The following MAF variants were observed in gnomAD, a reference collection of about 807,000 sequenced individuals.
MAF encodes MAF bZIP transcription factor, also known as transcription factor Maf.
A neutral mutation model predicts 22.0 loss-of-function variants in MAF; 10 were observed. The ratio of observed to expected loss-of-function variants is 0.45; its 90% confidence interval spans 0.28 to 0.77. MAF has a LOEUF of 0.77. Among genes scored for constraint, MAF ranks in the 30% least tolerant of loss-of-function variants. MAF has a pLI of 0.12. For synonymous variants in MAF, 337 were observed against 255.8 expected (o/e 1.32, Z -3.03); for missense variants, 544 against 548.4 (o/e 0.99, Z 0.08).
the MAF span, among the ~76,000 whole-genome samples, chr16:79,431,354 GACCATACACTAACCAA>G: frequency 6.6e-6 from 1 of 152,144 alleles, no homozygotes; most frequent in African/African-American, 2.4e-5. Context: ...ATTCCACTTA[GACCATACACTAACCAA>G]ATAACATTAA....
the MAF span, among the ~76,000 whole-genome samples, chr16:79,545,450 A>C: frequency 6.6e-6 from 1 of 152,138 alleles, no homozygotes; most frequent in East Asian, 1.9e-4. Flanking sequence ...CCATTTGAGC[A>C]TGAGTACAAC....
At chr16:79,211,145 C>G in the MAF span, among the ~76,000 whole-genome samples, 1 of 152,038 alleles carries the variant, frequency 6.6e-6, no homozygotes, top group Non-Finnish European at 1.5e-5. Flanking sequence ...AGCAGCCCCA[C>G]TTGGGTTTTC....
chr16:79,350,243 C>T, the MAF span, among the ~76,000 whole-genome samples: 121 of 152,238 alleles, frequency 7.9e-4, 3 homozygotes, highest in African/African-American at 2.8e-3. Context: ...AATGAGCAGG[C>T]GAGTAAGTTA....
the MAF span, among the ~76,000 whole-genome samples, chr16:79,308,295 G>T: frequency 6.6e-6 from 1 of 152,166 alleles, no homozygotes; most frequent in African/African-American, 2.4e-5. Flanking sequence ...GGTTAAGTGA[G>T]GAACCAGACT....
intron 1 of MAF, 152 bp downstream of exon 1, chr16:79,598,633 G>A (rs528082150): frequency 2.6e-6 from 4 of 1,523,620 alleles, no homozygotes; most frequent in Admixed American, 2.0e-5. Context: ...GGGTTTGTGT[G>A]TGTGTAGGGG....
chr16:79,453,984 A>C, the MAF span, among the ~76,000 whole-genome samples: 1 of 152,214 alleles, frequency 6.6e-6, no homozygotes, highest in Non-Finnish European at 1.5e-5. Context: ...GCATTAATTC[A>C]TAATAACTCA....
the MAF span, among the ~76,000 whole-genome samples, chr16:79,372,167 G>A: frequency 2.0e-5 from 3 of 150,130 alleles, no homozygotes; most frequent in African/African-American, 7.4e-5. Flanking sequence ...GTTCCAGATG[G>A]TTTTTTGTTT....
chr16:79,528,650 C>T, the MAF span, among the ~76,000 whole-genome samples: 5 of 144,366 alleles, frequency 3.5e-5, no homozygotes, highest in South Asian at 4.5e-4. Flanking sequence ...GATATCAATT[C>T]GAAGGGAGAA....
At chr16:79,497,425 C>A in the MAF span, among the ~76,000 whole-genome samples, 1 of 152,192 alleles carries the variant, frequency 6.6e-6, no homozygotes, top group African/African-American at 2.4e-5. Context: ...TGAGTGCCTC[C>A]CAGGAGACCC....
At chr16:79,484,179 G>A in the MAF span, among the ~76,000 whole-genome samples, 1 of 152,210 alleles carries the variant, frequency 6.6e-6, no homozygotes, top group Non-Finnish European at 1.5e-5. Context: ...CCTGCCGACA[G>A]TCACCTATCA....
the MAF span, among the ~76,000 whole-genome samples, chr16:79,357,989 G>A: frequency 0.45 from 68,106 of 152,102 alleles, 15,652 homozygotes; most frequent in South Asian, 0.61. Context: ...CTTGGACACC[G>A]TGTGAAGGTA....
chr16:79,514,554 C>T, the MAF span, among the ~76,000 whole-genome samples: 451 of 152,310 alleles, frequency 3.0e-3, 2 homozygotes, highest in African/African-American at 0.011. Flanking sequence ...CATTTCCCTG[C>T]ATGGTAGCCA....
chr16:79,455,835 C>T, the MAF span, among the ~76,000 whole-genome samples: 12 of 152,112 alleles, frequency 7.9e-5, no homozygotes, highest in East Asian at 3.9e-4. Flanking sequence ...CTGGCCAACA[C>T]GGTGAAACTC....
the MAF span, among the ~76,000 whole-genome samples, chr16:79,255,481 G>A: frequency 6.6e-6 from 1 of 152,128 alleles, no homozygotes; most frequent in South Asian, 2.1e-4. Context: ...AAATCCATTC[G>A]AAACTGATCT....
the MAF span, among the ~76,000 whole-genome samples, chr16:79,488,119 C>A: frequency 6.6e-6 from 1 of 152,144 alleles, no homozygotes; most frequent in Admixed American, 6.5e-5. Flanking sequence ...GCACGCCTGG[C>A]GCTGCCACCA....
the MAF span, among the ~76,000 whole-genome samples, chr16:79,241,981 C>G: frequency 6.6e-6 from 1 of 151,966 alleles, no homozygotes; most frequent in Non-Finnish European, 1.5e-5. Context: ...TTTTTACAGA[C>G]AAGCAAATGC....
At chr16:79,368,470 T>C in the MAF span, among the ~76,000 whole-genome samples, 60 of 152,132 alleles carry the variant, frequency 3.9e-4, 1 homozygote, top group Non-Finnish European at 7.4e-5. Flanking sequence ...GTTTTTAGTA[T>C]ATGACTATGA....
the MAF span, chr16:79,206,486 A>G: frequency 1.3e-5 from 2 of 152,250 alleles, no homozygotes; most frequent in Admixed American, 1.3e-4. Flanking sequence ...TCCCTGGCTC[A>G]TAGAGCTCTG....
the MAF span, among the ~76,000 whole-genome samples, chr16:79,469,716 C>G: frequency 6.6e-6 from 1 of 152,132 alleles, no homozygotes; most frequent in African/African-American, 2.4e-5. Context: ...CCTGCCTCAG[C>G]CTCCTGAGTA....
Sources: allele counts gnomAD v4.1 joint callset (sites outside exome capture counted in the v4.1 genomes callset), GRCh38; gene constraint gnomAD v4.1.1; transcripts MANE v1.5; gene names NCBI Gene and HGNC (gene_info 2026-07-23, HGNC 2026-07-21).